SLC4A4: variants seen among roughly 807,000 people sequenced by gnomAD.
SLC4A4 encodes the protein electrogenic sodium bicarbonate cotransporter 1.
In SLC4A4, 27 loss-of-function variants were observed where a neutral mutation model predicts 111.5. That is an observed-to-expected ratio of 0.24 (90% confidence interval 0.18 to 0.33). The LOEUF (loss-of-function observed/expected upper bound fraction) is 0.33. Among genes scored for constraint, SLC4A4 ranks in the 10% least tolerant of loss-of-function variants. SLC4A4 has a pLI of 1.00. For missense variants in SLC4A4, 909 were observed against 1,315.5 expected (o/e 0.69, Z 4.78); for synonymous variants, 443 against 463.4 (o/e 0.96, Z 0.57).
intron 3 of SLC4A4, among the ~76,000 whole-genome samples, chr4:71,325,248 A>C (rs963700613): frequency 6.6e-6 from 1 of 151,974 alleles, no homozygotes; most frequent in Non-Finnish European, 1.5e-5. Flanking sequence ...TCCATTAAAA[A>C]AAAAGGTTGT....
At chr4:71,542,265 C>T (rs1735139002) in intron 18 of SLC4A4, among the ~76,000 whole-genome samples, 1 of 151,996 alleles carries the variant, frequency 6.6e-6, no homozygotes, top group African/African-American at 2.4e-5. Context: ...ATAAACTCTC[C>T]CCAGTGTTGT....
intron 8 of SLC4A4, among the ~76,000 whole-genome samples, chr4:71,441,352 C>T (rs1022473809): frequency 7.9e-5 from 12 of 152,154 alleles, no homozygotes; most frequent in African/African-American, 2.4e-4. Context: ...CCTCTTCATC[C>T]GCCTCTGAAA....
At position 71,350,055 on chromosome 4, in the gene SLC4A4, C is replaced by G; in HGVS notation, c.533C>G (p.Ser178Cys). The change falls in exon 5 of 26, where the codon TCT (serine) becomes TGT (cysteine). Residue 178 changes from serine to cysteine, a missense_variant. By Grantham distance (112) the Ser-to-Cys change is moderately radical. Around this residue, in one of 7 missense-constraint regions of SLC4A4, gnomAD observed 312 missense variants for 402.0 expected, o/e 0.78. Coordinates refer to ENST00000264485, the MANE Select transcript of SLC4A4 (RefSeq NM_001098484.3). ...GSIMLDREAS[S>C]LPQLVEMIVD... ...ATCATGCTTGATCGGGAGGCTTCTT[C>G]TCTCCCACAGTTGGTGGGTAAGTAT... 6.2e-7 allele frequency: 1 copy of G among 1,614,110 alleles called. No individual in the cohort carries two copies. The highest frequency in any genetic ancestry group is 8.5e-7 in the Non-Finnish European group (1 of 1,180,000).
intron 7 of SLC4A4, among the ~76,000 whole-genome samples, chr4:71,404,626 A>G (rs993297785): frequency 6.6e-6 from 1 of 152,156 alleles, no homozygotes; most frequent in Non-Finnish European, 1.5e-5. Flanking sequence ...GTATACTCTC[A>G]CATCACAAGT....
rs9997127 is a variant in SLC4A4 at position 71,570,781 on chromosome 4, G to A, written c.*3030G>A. On this transcript the variant is annotated 3_prime_UTR_variant, in exon 26 of 26. Transcript: ENST00000264485. ...CTCTGGTTTTGTGTTTGGGAGAAAAGTATCTTGGACGCACTGTTTTCCTTG... is the reference window on the plus strand; with the variant it reads ...CTCTGGTTTTGTGTTTGGGAGAAAAATATCTTGGACGCACTGTTTTCCTTG... The A allele has an allele frequency of 0.94, 142,747 of 151,820 alleles. 67,521 individuals are homozygous for A. Among genetic ancestry groups the A allele is most frequent in the Non-Finnish European group, 0.99 (67,250 of 67,802 alleles). The allele number at this position is 151,820 out of a possible 1,614,324, so 9.4% of individuals were successfully genotyped here. A position where few individuals can be genotyped will look rare whatever the true frequency, so the allele number is the denominator to read the frequency against.
chr4:71,278,879 T>C (rs1723284175), intron 3 of SLC4A4, among the ~76,000 whole-genome samples: 2 of 152,214 alleles, frequency 1.3e-5, no homozygotes, highest in Non-Finnish European at 2.9e-5. Flanking sequence ...TTATCAGATA[T>C]ATGGCTTGAA....
chr4:71,488,323 T>C (rs1280038048), intron 15 of SLC4A4, among the ~76,000 whole-genome samples: 1 of 151,530 alleles, frequency 6.6e-6, no homozygotes. Flanking sequence ...TTAAGCCCTG[T>C]CGTTGGGAAG....
intron 1 of SLC4A4, among the ~76,000 whole-genome samples, chr4:71,220,706 T>G (rs1205761241): frequency 6.6e-6 from 1 of 152,064 alleles, no homozygotes; most frequent in Non-Finnish European, 1.5e-5. Context: ...TTATTTTATT[T>G]TATTTATTTT....
intron 6 of SLC4A4, among the ~76,000 whole-genome samples, chr4:71,378,082 A>G (rs879094963): frequency 2.0e-5 from 3 of 152,166 alleles, no homozygotes; most frequent in Admixed American, 2.0e-4. Flanking sequence ...CCATGATTCA[A>G]TTACCTCCCC....
At chr4:71,276,976 C>T (rs78274629) in intron 3 of SLC4A4, among the ~76,000 whole-genome samples, 22,354 of 152,050 alleles carry the variant, frequency 0.15, 1,953 homozygotes, top group South Asian at 0.31. Flanking sequence ...CCCAGGAGGT[C>T]GAGTCTGTAG....
intron 16 of SLC4A4, among the ~76,000 whole-genome samples, chr4:71,506,011 T>C (rs1005397527): frequency 6.6e-5 from 10 of 151,984 alleles, no homozygotes; most frequent in Non-Finnish European, 1.3e-4. Flanking sequence ...AGGTGTGTGG[T>C]CTTATTTCTT....
At chr4:71,350,206 A>C in intron 5 of SLC4A4, 134 bp downstream of exon 5, 1 of 884,976 alleles carries the variant, frequency 1.1e-6, no homozygotes, top group Non-Finnish European at 1.8e-6. Flanking sequence ...TTGCATTATA[A>C]CATTAGTATG....
rs560811546 is a variant in SLC4A4, at chr4:71,563,693, G to A, written c.3100-100G>A. ...AATTATAAGGCTTTTCTCCTTAGTA[G>A]TATGTAAATGATTATAGAAAACGGT... On this transcript the variant is annotated intron_variant, in intron 23 of 25. Transcript: ENST00000264485. The A allele has an allele frequency of 2.6e-5, 21 of 798,350 alleles. No homozygotes were observed. The African/African-American group carries it at 3.6e-4, about 14-fold the overall frequency. 49.5% of individuals were successfully genotyped at this position (798,350 alleles called of 1,614,324 possible). A position where few individuals can be genotyped will look rare whatever the true frequency, so the allele number is the denominator to read the frequency against.
intron 20 of SLC4A4, among the ~76,000 whole-genome samples, chr4:71,552,846 C>A (rs1230406606): frequency 7.0e-6 from 1 of 143,838 alleles, no homozygotes; most frequent in African/African-American, 2.4e-5. Context: ...TATCTACCTA[C>A]TATTACTATG....
intron 16 of SLC4A4, among the ~76,000 whole-genome samples, chr4:71,510,327 C>T (rs943396074): frequency 6.6e-6 from 1 of 152,192 alleles, no homozygotes; most frequent in African/African-American, 2.4e-5. Context: ...GGATCTCTCC[C>T]AACATAATTT....
rs1724379153 is a variant in SLC4A4 at position 71,291,848 on chromosome 4, G to A, written c.253+36449G>A. On this transcript the variant is annotated intron_variant, in intron 3 of 25. Transcript: ENST00000264485. Reference sequence around the variant, plus strand: ...ATTACTTTATTATCAAATTGTGAATGAGTTATTACCAATGTTGTAGTTAGA... The same window carrying A: ...ATTACTTTATTATCAAATTGTGAATAAGTTATTACCAATGTTGTAGTTAGA... 3.9e-5 allele frequency among the ~76,000 whole-genome samples: 6 copies of A among 152,176 alleles called. No homozygotes were observed. In the South Asian group the frequency reaches 1.2e-3, roughly 32 times the overall value.
At chr4:71,321,915 G>C (rs1200896254) in intron 3 of SLC4A4, among the ~76,000 whole-genome samples, 1 of 151,994 alleles carries the variant, frequency 6.6e-6, no homozygotes, top group Non-Finnish European at 1.5e-5. Flanking sequence ...ATGTCAAGTA[G>C]GAAGTGTTGG....
intron 2 of SLC4A4, among the ~76,000 whole-genome samples, chr4:71,142,785 T>G (rs1028251537): frequency 1.0e-5 from 1 of 96,070 alleles, no homozygotes; most frequent in Admixed American, 1.2e-4. Context: ...TTTTTTTTTT[T>G]AGCTTTCTAC....
chr4:71,283,016 T>C (rs532199452), intron 3 of SLC4A4, among the ~76,000 whole-genome samples: 90 of 152,286 alleles, frequency 5.9e-4, no homozygotes, highest in Middle Eastern at 3.4e-3. Context: ...ATAGACTTGG[T>C]TAGTAAATTT....
Sources: gnomAD v4.1 joint callset for allele counts (sites outside exome capture counted in the v4.1 genomes callset) on GRCh38, gnomAD v4.1.1 for gene constraint, gnomAD v4.1.1 regional missense constraint, MANE v1.5 for transcripts, NCBI Gene and HGNC (gene_info 2026-07-23, HGNC 2026-07-21) for gene names.